The following PRKCI variants were observed in gnomAD, a reference collection of about 807,000 sequenced individuals.
PRKCI encodes the protein protein kinase C iota.
PRKCI carries 43 observed loss-of-function variants against 84.0 expected under a neutral mutation model. The ratio of observed to expected loss-of-function variants is 0.51; its 90% confidence interval spans 0.40 to 0.66. The LOEUF is 0.66. Among genes scored for constraint, PRKCI ranks in the 30% least tolerant of loss-of-function variants. The pLI is 0.00. For missense variants in PRKCI, 459 were observed against 745.6 expected (o/e 0.62, Z 4.48); for synonymous variants, 216 against 234.4 (o/e 0.92, Z 0.72).
chr3:170,293,849 T>G lies in PRKCI; in HGVS notation c.1417+341T>G, dbSNP rs1398518986. On this transcript the variant is annotated intron_variant, in intron 14 of 17. Coordinates refer to ENST00000295797, the MANE Select transcript of PRKCI (RefSeq NM_002740.6). ...GCACACACCACTATGCCCGGCTAAA[T>G]TTTGTATTTTTAGTAGAGACAGGGT... 2.0e-5 allele frequency among the ~76,000 whole-genome samples: 3 copies of G among 152,128 alleles called. No homozygotes were observed. The South Asian group carries it at 6.2e-4, about 32-fold the overall frequency.
At chr3:170,260,825 A>T (rs747437446) in intron 3 of PRKCI, among the ~76,000 whole-genome samples, 23 of 152,222 alleles carry the variant, frequency 1.5e-4, no homozygotes, top group Admixed American at 6.5e-4. Flanking sequence ...AGTGGCATAG[A>T]AGAAGTAACC....
At chr3:170,278,295 T>G (rs28589851) in intron 8 of PRKCI, among the ~76,000 whole-genome samples, 9,800 of 152,284 alleles carry the variant, frequency 0.064, 674 homozygotes, top group African/African-American at 0.17. Context: ...TTCTTAACCT[T>G]CTCAAACCTG....
chr3:170,262,161 A>G (rs918025707), intron 3 of PRKCI, among the ~76,000 whole-genome samples: 2 of 152,242 alleles, frequency 1.3e-5, no homozygotes, highest in African/African-American at 4.8e-5. Context: ...ACCTTGTTAT[A>G]AAAATGGTTT....
At chr3:170,301,123 T>G (rs1263464821) in intron 17 of PRKCI, among the ~76,000 whole-genome samples, 1 of 152,206 alleles carries the variant, frequency 6.6e-6, no homozygotes, top group Non-Finnish European at 1.5e-5. Flanking sequence ...CAAGACAGTC[T>G]GATCTCCCCA....
Position 170,277,086 on chromosome 3 carries a change from CAA to C in PRKCI, c.705+1814_705+1815del, listed in dbSNP as rs36053479. Among the ~76,000 whole-genome samples the C allele has an allele frequency of 6.3e-3, 812 of 128,346 alleles. 6 individuals are homozygous for C. The highest frequency in any genetic ancestry group is 0.022 in the African/African-American group (777 of 35,144). 84.2% of individuals were successfully genotyped at this position (128,346 alleles called of 152,430 possible). On this transcript the variant is annotated intron_variant, in intron 8 of 17. Transcript: ENST00000295797. ...TGAAACCCCATGTCTACTAAAAATACAAAAAAAAAAAAAAAATTAGGGCGTGG... is the reference window on the plus strand; with the variant it reads ...TGAAACCCCATGTCTACTAAAAATACAAAAAAAAAAAAAATTAGGGCGTGG...
chr3:170,234,197 A>C (rs901747869), intron 1 of PRKCI, among the ~76,000 whole-genome samples: 1 of 151,684 alleles, frequency 6.6e-6, no homozygotes, highest in Non-Finnish European at 1.5e-5. Flanking sequence ...ACACCCAGCA[A>C]ATTTTTTATT....
chr3:170,289,864 A>G (rs143347887), intron 12 of PRKCI, among the ~76,000 whole-genome samples: 7,337 of 152,084 alleles, frequency 0.048, 528 homozygotes, highest in African/African-American at 0.16. Context: ...GTGAGCCGAG[A>G]TCGCACCATT....
rs181826531 is a variant in PRKCI at position 170,241,785 on chromosome 3, C to T, written c.223+6434C>T. Among the ~76,000 whole-genome samples, 148 of 147,774 alleles carry T rather than the reference C, an allele frequency of 1.0e-3. 2 individuals carry two copies. The highest frequency in any genetic ancestry group is 3.9e-3 in the African/African-American group (144 of 37,304). ...CTATGGGCTTTTGAGATCCTCCCAT[C>T]GCAGCCTCTTAGCTACAGGTGTGTA... On this transcript the variant is annotated intron_variant, in intron 2 of 17. Transcript: ENST00000295797.
At position 170,305,705 on chromosome 3, in the gene PRKCI, C is replaced by T. The variant is rs1420558831; in HGVS notation, c.*2578C>T. On this transcript the variant is annotated 3_prime_UTR_variant, in exon 18 of 18. Coordinates refer to ENST00000295797, the MANE Select transcript of PRKCI (RefSeq NM_002740.6). ...ATAGAAGTTCGCTCAAAATACTCAACAGGGGAATAGGCAGCGGACAGTCAG... is the reference window on the plus strand; with the variant it reads ...ATAGAAGTTCGCTCAAAATACTCAATAGGGGAATAGGCAGCGGACAGTCAG... 1 of 152,158 alleles carries T rather than the reference C, an allele frequency of 6.6e-6. No homozygotes were observed. Among genetic ancestry groups the T allele is most frequent in the Non-Finnish European group, 1.5e-5 (1 of 68,030 alleles). 9.4% of individuals were successfully genotyped at this position (152,158 alleles called of 1,614,324 possible).
At position 170,275,888 on chromosome 3, in the gene PRKCI, C is replaced by T. The variant is rs143615539; in HGVS notation, c.705+601C>T. ...TTTTTTATTTTTGTGTATTTCTGGA[C>T]ATGAAAGATTTAGTTCACACTGCCT... is the stretch of plus-strand genomic sequence containing the variant. On this transcript the variant is annotated intron_variant, in intron 8 of 17. Coordinates refer to ENST00000295797, the MANE Select transcript of PRKCI (RefSeq NM_002740.6). Among the ~76,000 whole-genome samples the T allele has an allele frequency of 2.3e-3, 339 of 150,012 alleles. 13 individuals carry two copies. The East Asian group carries it at 0.048, about 21-fold the overall frequency.
intron 1 of PRKCI, among the ~76,000 whole-genome samples, chr3:170,229,308 C>G (rs1577337680): frequency 6.6e-6 from 1 of 152,040 alleles, no homozygotes; most frequent in East Asian, 2.0e-4. Flanking sequence ...ATACAGTGTT[C>G]TACAGTTGTT....
chr3:170,260,893 TTC>T (rs1409400394), intron 3 of PRKCI, among the ~76,000 whole-genome samples: 1 of 152,210 alleles, frequency 6.6e-6, no homozygotes, highest in African/African-American at 2.4e-5. Context: ...AATCTAGGAA[TTC>T]TGATTCCAAA....
At chr3:170,248,988 C>T (rs1299775348) in intron 2 of PRKCI, among the ~76,000 whole-genome samples, 5 of 152,078 alleles carry the variant, frequency 3.3e-5, no homozygotes, top group African/African-American at 4.8e-5. Flanking sequence ...GCTGGGACTA[C>T]AGGTGCCCGC....
At chr3:170,222,832 G>T in intron 1 of PRKCI, 62 bp downstream of exon 1, 1 of 1,317,142 alleles carries the variant, frequency 7.6e-7, no homozygotes, top group Non-Finnish European at 1.1e-6. Context: ...TCGGCCTGGA[G>T]GAGGGGAGGG....
chr3:170,280,524 C>G (rs542217260), intron 9 of PRKCI, 121 bp downstream of exon 9: 1 of 824,536 alleles, frequency 1.2e-6, no homozygotes, highest in Admixed American at 3.3e-5. Flanking sequence ...TCTTGGCTCA[C>G]TGCAACCTCT....
At chr3:170,295,800 G>A (rs1161387946) in intron 14 of PRKCI, 111 bp from the exon 15 acceptor site, 3 of 487,526 alleles carry the variant, frequency 6.2e-6, no homozygotes, top group East Asian at 7.1e-5. Context: ...AGCTGTGATT[G>A]CATCACTGCA....
At chr3:170,248,304 A>G (rs1456894148) in intron 2 of PRKCI, among the ~76,000 whole-genome samples, 1 of 152,192 alleles carries the variant, frequency 6.6e-6, no homozygotes, top group Non-Finnish European at 1.5e-5. Flanking sequence ...CTAATGCCCT[A>G]ATTTGCTGCT....
Position 170,305,342 on chromosome 3 carries a change from T to C in PRKCI, c.*2215T>C, listed in dbSNP as rs1015500150. On this transcript the variant is annotated 3_prime_UTR_variant, in exon 18 of 18. Coordinates refer to ENST00000295797, the MANE Select transcript of PRKCI (RefSeq NM_002740.6). ...TCTTTATGTTTGTCCTGTGGTTAAA[T>C]ATTAGAGTATTCATGATAAAACATT... The C allele has an allele frequency of 6.6e-6, 1 of 152,640 alleles. No homozygotes were observed. Among genetic ancestry groups the C allele is most frequent in the Non-Finnish European group, 1.5e-5 (1 of 68,032 alleles). The allele number at this position is 152,640 out of a possible 1,614,324, so 9.5% of individuals were successfully genotyped here.
At chr3:170,268,278 C>CA (rs149418635) in intron 5 of PRKCI, among the ~76,000 whole-genome samples, 12,267 of 152,082 alleles carry the variant, frequency 0.081, 1,172 homozygotes, top group African/African-American at 0.23. Flanking sequence ...GCCAGGAGTT[C>CA]ATACCAGCCT....
Sources: allele counts gnomAD v4.1 joint callset (sites outside exome capture counted in the v4.1 genomes callset), GRCh38; gene constraint gnomAD v4.1.1; transcripts MANE v1.5; gene names NCBI Gene and HGNC (gene_info 2026-07-23, HGNC 2026-07-21).